PREB: variants seen among roughly 807,000 people sequenced by gnomAD.
PREB encodes prolactin regulatory element binding.
PREB carries 29 observed loss-of-function variants against 46.7 expected under a neutral mutation model. The observed-to-expected ratio is 0.62, with a 90% CI of 0.46 to 0.85. PREB has a LOEUF of 0.85. Ranked by LOEUF, PREB falls within the 40% of genes least tolerant of loss-of-function variation. The pLI, the probability that PREB is intolerant of heterozygous loss-of-function variation, is 0.00. For missense variants in PREB, 494 were observed against 528.4 expected (o/e 0.93, Z 0.64); for synonymous variants, 224 against 220.1 (o/e 1.02, Z -0.16).
rs187279154 is a variant in PREB, at chr2:27,133,403, T to C, written c.326-66A>G. 822 of 1,600,566 alleles carry C rather than the reference T, an allele frequency of 5.1e-4. 4 individuals carry two copies. The highest frequency in any genetic ancestry group is 1.1e-4 in the Non-Finnish European group (131 of 1,169,352). On this transcript the variant is annotated intron_variant, in intron 2 of 8. Transcript: ENST00000260643. ...TAAGGAGTACTGGCCCCTCTCTCCA[T>C]GGCAGGTGCCCATACAACTTCTAGC...
Position 27,132,628 on chromosome 2 carries a change from T to C in PREB, c.727A>G (p.Thr243Ala). ...CTGCAGGCCTGGTAGCGGTAAGGTG[T>C]GCTGGAAAAGGTGGGTCCATTTTCT... ...WQENGPTFSS[T>A]PYRYQACRFG... The change falls in exon 5 of 9, where the codon ACA (threonine) becomes GCA (alanine). Residue 243 changes from threonine to alanine, a missense_variant. Physicochemically the swap from Thr to Ala is moderately conservative, Grantham distance 58. Coordinates refer to ENST00000260643, the MANE Select transcript of PREB (RefSeq NM_013388.6). The surrounding 1 kb of genome is among the most constrained non-coding windows in gnomAD (Gnocchi z 4.0). 6.2e-7 allele frequency: 1 copy of C among 1,614,122 alleles called. No homozygotes were observed. Among genetic ancestry groups the C allele is most frequent in the East Asian group, 2.2e-5 (1 of 44,886 alleles).
Position 27,134,452 on chromosome 2 carries a change from G to A in PREB, c.-31C>T, listed in dbSNP as rs764994866. ...CCGGCGCGCGTTCACTGCCCGCACC[G>A]CGGCACCCAGGACATGCCGCGCCGG... On this transcript the variant is annotated 5_prime_UTR_variant, in exon 1 of 9. Transcript: ENST00000260643. 64 of 1,509,842 alleles carry A rather than the reference G, an allele frequency of 4.2e-5. No individual in the cohort carries two copies. The highest frequency in any genetic ancestry group is 5.5e-5 in the Non-Finnish European group (63 of 1,136,946). 93.5% of individuals were successfully genotyped at this position (1,509,842 alleles called of 1,614,324 possible). A position where few individuals can be genotyped will look rare whatever the true frequency, so the allele number is the denominator to read the frequency against.
rs1325569544 is a variant in PREB, at chr2:27,131,117, CA to C, written c.*296del. The C allele has an allele frequency of 1.3e-5, 7 of 522,098 alleles. No homozygotes were observed. The highest frequency in any genetic ancestry group is 2.4e-5 in the Non-Finnish European group (7 of 292,322). The allele number at this position is 522,098 out of a possible 1,614,324, so 32.3% of individuals were successfully genotyped here. On this transcript the variant is annotated 3_prime_UTR_variant, in exon 9 of 9. Transcript: ENST00000260643. ...ATCTTCACATGTTTCTAGATAAGGA[CA>C]AGCTCAACTCTGGAGCCTCTGGTAG...
Position 27,133,256 on chromosome 2 carries a change from C to T in PREB, c.407G>A (p.Gly136Glu), listed in dbSNP as rs965979458. ...KKCGAETQHE[G>E]LELRVENLQA... Reference sequence around the variant, plus strand: ...CAAATTCTCTACCCTGAGTTCTAGCCCCTCGTGCTGGGTTTCCGCTCCACA... The same window carrying T: ...CAAATTCTCTACCCTGAGTTCTAGCTCCTCGTGCTGGGTTTCCGCTCCACA... Residue 136 changes from glycine to glutamate, a missense_variant, in exon 3 of 9, where the codon GGG (glycine) becomes GAG (glutamate). Coordinates refer to ENST00000260643, the MANE Select transcript of PREB (RefSeq NM_013388.6). The T allele has an allele frequency of 6.2e-7, 1 of 1,614,078 alleles. No individual in the cohort carries two copies. The highest frequency in any genetic ancestry group is 8.5e-7 in the Non-Finnish European group (1 of 1,180,058).
Position 27,132,368 on chromosome 2 carries a change from C to A in PREB, c.788G>T (p.Arg263Leu), listed in dbSNP as rs754203598. The change falls in exon 6 of 9, where the codon CGA becomes CTA. Residue 263 changes from arginine to leucine, a missense_variant. Transcript: ENST00000260643. The surrounding 1 kb of genome is among the most constrained non-coding windows in gnomAD (Gnocchi z 4.0). ...GQVPDQPAGL[R>L]LFTVQIPHKR... ...GTGGGGAATTTGCACTGTGAAGAGT[C>A]GCAGGCCAGCAGGCTGGTCTGGAAC... The A allele has an allele frequency of 6.2e-7, 1 of 1,613,024 alleles. No homozygotes were observed.
At chr2:27,131,934 G>A in intron 7 of PREB, 76 bp downstream of exon 7, 1 of 1,592,660 alleles carries the variant, frequency 6.3e-7, no homozygotes, top group Admixed American at 1.7e-5. Flanking sequence ...GGATGGGCCA[G>A]ACTCCTTCCT....
At chr2:27,133,785 G>A (rs1672386563) in intron 1 of PREB, 64 bp from the exon 2 acceptor site, 3 of 1,499,336 alleles carry the variant, frequency 2.0e-6, no homozygotes, top group Non-Finnish European at 2.7e-6. Context: ...TTAGGGAAGA[G>A]TCTGATGTCT....
chr2:27,133,517 G>C lies in PREB; in HGVS notation c.325+15C>G, dbSNP rs772887369. ...TCAACCCTTTCCCCAAGGGGGTAGA[G>C]AGGGAGCTCCTCACCGGCCTTCTCT... is the stretch of plus-strand genomic sequence containing the variant. On this transcript the variant is annotated intron_variant, in intron 2 of 8. Transcript: ENST00000260643. 3 of 1,611,500 alleles carry C rather than the reference G, an allele frequency of 1.9e-6. No homozygotes were observed. Among genetic ancestry groups the C allele is most frequent in the Non-Finnish European group, 1.7e-6 (2 of 1,178,330 alleles).
Position 27,133,541 on chromosome 2 carries a change from CT to C in PREB, c.315del (p.Glu106ArgfsTer32), listed in dbSNP as rs1672374908. ...FQAHQQQGNKAEKAGSKEQGP... is the reference protein window; with the variant it reads ...FQAHQQQGNKXEKAGSKEQGP... ...AGAGGGAGCTCCTCACCGGCCTTCT[CT>C]GCCTTGTTGCCCTGCTGTTGATGTG... On this transcript the variant is annotated frameshift_variant, in exon 2 of 9. Coordinates refer to ENST00000260643, the MANE Select transcript of PREB (RefSeq NM_013388.6). LOFTEE classifies it high-confidence loss of function. 6.2e-7 allele frequency: 1 copy of C among 1,613,578 alleles called. No homozygotes were observed.
At position 27,134,553 on chromosome 2, in the gene PREB, C is replaced by T; in HGVS notation, c.-132G>A. The T allele has an allele frequency of 7.4e-7, 1 of 1,359,948 alleles. No homozygotes were observed. The highest frequency in any genetic ancestry group is 3.0e-5 in the East Asian group (1 of 33,588). The allele number at this position is 1,359,948 out of a possible 1,614,324, so 84.2% of individuals were successfully genotyped here. ...GGAGCACTCCCTACCCCTCTCACAC[C>T]GGGGAGTTGCCAAAACCCTGACCAT... On this transcript the variant is annotated 5_prime_UTR_variant, in exon 1 of 9. Coordinates refer to ENST00000260643, the MANE Select transcript of PREB (RefSeq NM_013388.6).
Position 27,130,759 on chromosome 2 carries a change from G to T in PREB, c.*655C>A. On this transcript the variant is annotated 3_prime_UTR_variant, in exon 9 of 9. Transcript: ENST00000260643. ...GAAACAGCTGACAAGAGTACCATTT[G>T]GGGTCTCAGTTCACTCTTTCCTTGT... The T allele has an allele frequency of 6.2e-7, 1 of 1,611,000 alleles. No homozygotes were observed. The highest frequency in any genetic ancestry group is 1.1e-5 in the South Asian group (1 of 91,016).
At chr2:27,134,058 C>T (rs547916540) in intron 1 of PREB, 3 of 661,338 alleles carry the variant, frequency 4.5e-6, no homozygotes, top group East Asian at 2.9e-5. Context: ...CTGAAGCGTT[C>T]CTGGCGACTC....
In PREB at chr2:27,131,453, G is replaced by A. The variant is rs1324818372; in HGVS notation, c.1215C>T (p.Thr405=). ...GAAAGGCACTCTGGAGCAGCAGGAT[G>A]GTCACAATAATAAGCCCGACACACA... The part of the protein sequence containing the change: ...LLLCVGLIIV[T]ILLLQSAFPG... Residue 405 remains threonine, a synonymous_variant, in exon 9 of 9, where the codon ACC becomes ACT. Transcript: ENST00000260643. 1 of 1,569,976 alleles carries A rather than the reference G, an allele frequency of 6.4e-7. No individual in the cohort carries two copies. The highest frequency in any genetic ancestry group is 8.6e-7 in the Non-Finnish European group (1 of 1,157,006).
In PREB at chr2:27,131,704, C is replaced by T. The variant is rs781303044; in HGVS notation, c.1127G>A (p.Ser376Asn). ...GGGCAACAGATGCAGCTGGCAACGACTGTCCACAGCCACAGAGAACAGGGC... is the reference window on the plus strand; with the variant it reads ...GGGCAACAGATGCAGCTGGCAACGATTGTCCACAGCCACAGAGAACAGGGC... ...ETALFSVAVD[S>N]RCQLHLLPSR... The change falls in exon 8 of 9, where the codon AGT becomes AAT. Residue 376 changes from serine (S) to asparagine (N), a missense_variant. Ser to Asn is a conservative substitution (Grantham distance 46, BLOSUM62 1). Transcript: ENST00000260643. The T allele has an allele frequency of 6.2e-7, 1 of 1,614,206 alleles. No individual in the cohort carries two copies. Among genetic ancestry groups the T allele is most frequent in the Admixed American group, 1.7e-5 (1 of 60,026 alleles).
rs752986381 is a variant in PREB at position 27,134,401 on chromosome 2, T to C, written c.21A>G (p.Pro7=). ...ACGGGAACGGAGCCCGGTACAGCTC[T>C]GGCGCCCGGCGCCGGCCCATCCCGC... The part of the protein sequence containing the change: MGRRRA[P]ELYRAPFPLY... The change falls in exon 1 of 9, where the codon CCA becomes CCG. Residue 7 remains proline, a synonymous_variant. Transcript: ENST00000260643. The C allele has an allele frequency of 1.3e-6, 2 of 1,597,200 alleles. No individual in the cohort carries two copies. The highest frequency in any genetic ancestry group is 1.7e-6 in the Non-Finnish European group (2 of 1,174,542).
Position 27,132,899 on chromosome 2 carries a change from C to G in PREB, c.571G>C (p.Glu191Gln). 1 of 1,614,044 alleles carries G rather than the reference C, an allele frequency of 6.2e-7. No homozygotes were observed. Among genetic ancestry groups the G allele is most frequent in the Non-Finnish European group, 8.5e-7 (1 of 1,180,000 alleles). ...ATCTCCCCTTCGTGGGCTTTGAACT[C>G]CAGAACCTTCTCCAGGCTGGGCACC... ...WKVPSLEKVL[E>Q]FKAHEGEIED... Residue 191 changes from glutamate (E) to glutamine (Q), a missense_variant, in exon 4 of 9, where the codon GAG (glutamate) becomes CAG (glutamine). Transcript: ENST00000260643. This position sits in a 1 kb window ranked among gnomAD's most constrained non-coding sequence, Gnocchi z 4.0.
chr2:27,134,616 T>C lies in PREB; in HGVS notation c.-195A>G, dbSNP rs1025720794. ...GAGCCTCAGCTCGGCTCCGTCCAAG[T>C]CGGTCTCGCAGACGCGCACTGCGCA... is the stretch of plus-strand genomic sequence containing the variant. On this transcript the variant is annotated 5_prime_UTR_variant, in exon 1 of 9. Transcript: ENST00000260643. 1.5e-6 allele frequency: 2 copies of C among 1,305,722 alleles called. No individual in the cohort carries two copies. The highest frequency in any genetic ancestry group is 1.9e-6 in the Non-Finnish European group (2 of 1,030,402). 80.9% of individuals were successfully genotyped at this position (1,305,722 alleles called of 1,614,324 possible).
In PREB at chr2:27,134,514, C is replaced by A; in HGVS notation, c.-93G>T. 1 of 1,389,120 alleles carries A rather than the reference C, an allele frequency of 7.2e-7. No individual in the cohort carries two copies. Among genetic ancestry groups the A allele is most frequent in the Non-Finnish European group, 9.3e-7 (1 of 1,080,760 alleles). 86.0% of individuals were successfully genotyped at this position (1,389,120 alleles called of 1,614,324 possible). On this transcript the variant is annotated 5_prime_UTR_variant, in exon 1 of 9. Coordinates refer to ENST00000260643, the MANE Select transcript of PREB (RefSeq NM_013388.6). The stretch of plus-strand genomic sequence containing the variant: ...CTGCCCCGGCGGCTGGTGAACTCGG[C>A]CCCGTCGCCGCCGGGAGCACTCCCT...
chr2:27,132,732 T>G lies in PREB; in HGVS notation c.628-5A>C. On this transcript the variant is annotated splice_region_variant and splice_polypyrimidine_tract_variant and intron_variant, in intron 4 of 8. Coordinates refer to ENST00000260643, the MANE Select transcript of PREB (RefSeq NM_013388.6). The surrounding 1 kb of genome is among the most constrained non-coding windows in gnomAD (Gnocchi z 4.0). ...GTCCCGGCCCACGGTTACCAACTAG[T>G]TAGGAATAAAGATTCCAAGGATGGA... 1.2e-6 allele frequency: 2 copies of G among 1,614,122 alleles called. No homozygotes were observed. Among genetic ancestry groups the G allele is most frequent in the Non-Finnish European group, 1.7e-6 (2 of 1,180,002 alleles).
Sources: allele counts gnomAD v4.1 joint callset, GRCh38; gene constraint gnomAD v4.1.1; non-coding constraint Gnocchi (gnomAD v3.1); transcripts MANE v1.5; gene names NCBI Gene and HGNC (gene_info 2026-07-23, HGNC 2026-07-21).